RFX3: variants seen among roughly 807,000 people sequenced by gnomAD.
RFX3 encodes regulatory factor X3, also known as transcription factor RFX3.
RFX3 carries 14 observed loss-of-function variants against 98.6 expected under a neutral mutation model. The ratio of observed to expected loss-of-function variants is 0.14; its 90% CI spans 0.09 to 0.22. The LOEUF (loss-of-function observed/expected upper bound fraction) is 0.22, where lower values mean the gene tolerates loss of function less well. Among genes scored for constraint, RFX3 ranks in the 10% least tolerant of loss-of-function variants. RFX3 has a pLI of 1.00. For missense variants in RFX3, 639 were observed against 926.9 expected (o/e 0.69, Z 4.03); for synonymous variants, 383 against 328.4 (o/e 1.17, Z -1.80).
rs1302573655 is a variant in RFX3, at chr9:3,312,545, G to A, written c.475-10925C>T. Among the ~76,000 whole-genome samples the A allele has an allele frequency of 9.2e-5, 14 of 151,760 alleles. 1 individual carries two copies. The Middle Eastern group carries it at 0.021, about 223-fold the overall frequency. ...AAGAAGTAGCTTAACTGAGAGATTC[G>A]GGATAAACTGTTCTTTTAATCCTCA... On this transcript the variant is annotated intron_variant, in intron 4 of 16. Coordinates refer to ENST00000617270, the MANE Select transcript of RFX3 (RefSeq NM_001282116.2).
At chr9:3,381,990 C>A (rs928021345) in intron 2 of RFX3, among the ~76,000 whole-genome samples, 11 of 152,210 alleles carry the variant, frequency 7.2e-5, no homozygotes, top group South Asian at 2.1e-4. Context: ...CCATTTGACA[C>A]CTTGAGGTTA....
chr9:3,437,068 A>G (rs913358297), intron 1 of RFX3, among the ~76,000 whole-genome samples: 2 of 152,114 alleles, frequency 1.3e-5, no homozygotes, highest in African/African-American at 4.8e-5. Flanking sequence ...TTTTCCAAGC[A>G]GCAAATGAAA....
At chr9:3,260,912 C>CTA (rs1240175479) in intron 13 of RFX3, among the ~76,000 whole-genome samples, 45 of 149,868 alleles carry the variant, frequency 3.0e-4, no homozygotes, top group African/African-American at 1.1e-3. Flanking sequence ...AGATCTCTCT[C>CTA]TCTATATATA....
In RFX3 at chr9:3,493,545, G is replaced by A. The variant is rs912969134; in HGVS notation, c.-9+32202C>T. ...TAAAAATACAAAAAATTTTCCGGGCGTGGTGGCACGCGCCTGTATTCCCAG... is the reference window on the plus strand; with the variant it reads ...TAAAAATACAAAAAATTTTCCGGGCATGGTGGCACGCGCCTGTATTCCCAG... On this transcript the variant is annotated intron_variant, in intron 1 of 16. Transcript: ENST00000617270. Among the ~76,000 whole-genome samples, 11 of 151,634 alleles carry A rather than the reference G, an allele frequency of 7.3e-5. No individual in the cohort carries two copies. The South Asian group carries it at 8.3e-4, about 11-fold the overall frequency.
intron 2 of RFX3, among the ~76,000 whole-genome samples, chr9:3,375,653 G>C (rs139909278): frequency 1.8e-4 from 28 of 152,182 alleles, no homozygotes; most frequent in African/African-American, 6.5e-4. Flanking sequence ...GTGTATTATA[G>C]AAATCCATTT....
At chr9:3,248,226 G>A (rs1390259545) in intron 14 of RFX3, 41 bp from the exon 15 acceptor site, 5 of 1,545,270 alleles carry the variant, frequency 3.2e-6, no homozygotes, top group African/African-American at 1.4e-5. Context: ...TAACATTAGT[G>A]ACAAGAATTA....
chr9:3,347,207 G>T (rs1178736721), intron 2 of RFX3, among the ~76,000 whole-genome samples: 3 of 152,036 alleles, frequency 2.0e-5, no homozygotes, highest in Non-Finnish European at 4.4e-5. Flanking sequence ...TGTAGTCCCA[G>T]TTACTTGGGA....
At chr9:3,394,457 G>A (rs1003882695) in intron 2 of RFX3, among the ~76,000 whole-genome samples, 11 of 152,068 alleles carry the variant, frequency 7.2e-5, no homozygotes, top group African/African-American at 2.4e-4. Flanking sequence ...CGAGACTCCC[G>A]TCTCAAAAAA....
chr9:3,245,841 T>C (rs756713228), intron 15 of RFX3, among the ~76,000 whole-genome samples: 4 of 152,156 alleles, frequency 2.6e-5, no homozygotes, highest in Non-Finnish European at 5.9e-5. Context: ...GCCTGATGTG[T>C]TACTCCCACT....
chr9:3,257,943 G>C (rs1345357063), intron 13 of RFX3, among the ~76,000 whole-genome samples: 1 of 152,110 alleles, frequency 6.6e-6, no homozygotes, highest in Non-Finnish European at 1.5e-5. Flanking sequence ...AATGAAAATA[G>C]GAACTTTTAA....
chr9:3,447,938 G>C (rs569935475), intron 1 of RFX3, among the ~76,000 whole-genome samples: 1 of 152,014 alleles, frequency 6.6e-6, no homozygotes, highest in Non-Finnish European at 1.5e-5. Context: ...AATATACTCC[G>C]TCTCACAGAC....
intron 4 of RFX3, among the ~76,000 whole-genome samples, chr9:3,317,662 A>G (rs1361296018): frequency 1.3e-5 from 2 of 152,222 alleles, no homozygotes; most frequent in Non-Finnish European, 2.9e-5. Context: ...AGAACTTAAA[A>G]CAAATTTACA....
intron 4 of RFX3, among the ~76,000 whole-genome samples, chr9:3,302,507 T>C (rs770015706): frequency 6.6e-6 from 1 of 151,386 alleles, no homozygotes. Flanking sequence ...TACTGAGCTA[T>C]ATTAACAATA....
intron 4 of RFX3, among the ~76,000 whole-genome samples, chr9:3,319,210 C>A (rs1408895743): frequency 6.6e-6 from 1 of 152,132 alleles, no homozygotes; most frequent in Non-Finnish European, 1.5e-5. Flanking sequence ...TTTCAGTATC[C>A]CCTGGGCACT....
chr9:3,467,189 C>CA (rs1327617779), intron 1 of RFX3, among the ~76,000 whole-genome samples: 11 of 137,512 alleles, frequency 8.0e-5, no homozygotes, highest in African/African-American at 2.3e-4. Flanking sequence ...TATGTATATA[C>CA]ATATATAATG....
At chr9:3,426,512 T>A (rs1844048791) in intron 1 of RFX3, among the ~76,000 whole-genome samples, 1 of 151,608 alleles carries the variant, frequency 6.6e-6, no homozygotes, top group Non-Finnish European at 1.5e-5. Context: ...CAGCAGGAGG[T>A]GAGCAAGAGG....
chr9:3,317,936 AG>A (rs1830818059), intron 4 of RFX3, among the ~76,000 whole-genome samples: 1 of 152,228 alleles, frequency 6.6e-6, no homozygotes, highest in Non-Finnish European at 1.5e-5. Flanking sequence ...ACTGTAAGCT[AG>A]TTTAACCATT....
chr9:3,522,056 C>A (rs1818772234), intron 1 of RFX3, among the ~76,000 whole-genome samples: 1 of 151,030 alleles, frequency 6.6e-6, no homozygotes, highest in African/African-American at 2.4e-5. Flanking sequence ...AAAAAAAAAA[C>A]TTTTCCTAGA....
rs140956007 is a variant in RFX3 at position 3,279,055 on chromosome 9, A to G, written c.852-1594T>C. On this transcript the variant is annotated intron_variant, in intron 7 of 16. Coordinates refer to ENST00000617270, the MANE Select transcript of RFX3 (RefSeq NM_001282116.2). ...TTGTGATGTGCTAGATGCCTTGTTT[A>G]TTAAAAATTTAATGTTTTTCTGATT... 1.5e-3 allele frequency among the ~76,000 whole-genome samples: 230 copies of G among 151,992 alleles called. 3 individuals carry two copies. Among genetic ancestry groups the G allele is most frequent in the African/African-American group, 5.3e-3 (219 of 41,520 alleles).
Sources: allele counts gnomAD v4.1 joint callset (sites outside exome capture counted in the v4.1 genomes callset), GRCh38; gene constraint gnomAD v4.1.1; transcripts MANE v1.5; gene names NCBI Gene and HGNC (gene_info 2026-07-23, HGNC 2026-07-21).